POU2F2: variants seen among roughly 807,000 people sequenced by gnomAD.
POU2F2 encodes POU domain, class 2, transcription factor 2.
POU2F2 carries 14 observed loss-of-function variants against 63.5 expected under a neutral mutation model. The observed-to-expected ratio is 0.22, with a 90% CI of 0.15 to 0.34. POU2F2 has a LOEUF of 0.34. Among genes scored for constraint, POU2F2 ranks in the 10% least tolerant of loss-of-function variants. The pLI is 1.00. For missense variants in POU2F2, 607 were observed against 815.2 expected (o/e 0.74, Z 3.11); for synonymous variants, 306 against 348.6 (o/e 0.88, Z 1.36).
intron 5 of POU2F2, among the ~76,000 whole-genome samples, chr19:42,104,800 C>G (rs1368541944): frequency 6.6e-6 from 1 of 152,094 alleles, no homozygotes; most frequent in Non-Finnish European, 1.5e-5. Context: ...GTGTCTCACC[C>G]CCACCCACCC....
intron 5 of POU2F2, among the ~76,000 whole-genome samples, chr19:42,106,007 CTT>C (rs920421310): frequency 8.3e-6 from 1 of 119,882 alleles, no homozygotes; most frequent in Non-Finnish European, 1.8e-5. Flanking sequence ...TTTTTTCTTT[CTT>C]TCTTTCTTTC....
intron 4 of POU2F2, among the ~76,000 whole-genome samples, chr19:42,119,321 G>C (rs772391334): frequency 6.6e-6 from 1 of 152,176 alleles, no homozygotes; most frequent in Non-Finnish European, 1.5e-5. Context: ...AAAGTTCACA[G>C]AGTCATACAT....
In POU2F2 at chr19:42,091,536, C is replaced by G. The variant is rs1210793995; in HGVS notation, c.1596G>C (p.Leu532=). The change falls in exon 15 of 15, where the codon CTG becomes CTC. Residue 532 remains leucine (L), a synonymous_variant. Transcript: ENST00000692977. ...GGGCTGCACCGGCTGCCCCCAGCAC[C>G]AGATTCCCGCTGCCATCAAGGCTGG... ...PLTSLDGSGN[L]VLGAAGAAPG... 2 of 1,547,878 alleles carry G rather than the reference C, an allele frequency of 1.3e-6. No individual in the cohort carries two copies. The highest frequency in any genetic ancestry group is 1.2e-5 in the South Asian group (1 of 83,390).
At position 42,095,737 on chromosome 19, in the gene POU2F2, G is replaced by A. The variant is rs781762546; in HGVS notation, c.872-44C>T. On this transcript the variant is annotated intron_variant, in intron 9 of 14. Coordinates refer to ENST00000692977, the MANE Select transcript of POU2F2 (RefSeq NM_001394376.1). This position sits in a 1 kb window ranked among gnomAD's most constrained non-coding sequence, Gnocchi z 7.1. ...GTGAGCATGAGAAGGGGCCTCCCGC[G>A]GCCAGCGGCCACTGCCCGCCCCCTA... 12 of 1,612,660 alleles carry A rather than the reference G, an allele frequency of 7.4e-6. No individual in the cohort carries two copies. The highest frequency in any genetic ancestry group is 6.8e-6 in the Non-Finnish European group (8 of 1,179,840).
At chr19:42,116,883 G>A (rs754793755) in intron 5 of POU2F2, 5 of 465,878 alleles carry the variant, frequency 1.1e-5, no homozygotes, top group African/African-American at 4.0e-5. Flanking sequence ...CGGAGGCGGC[G>A]GCGGCGGCGG....
At chr19:42,183,206 T>C (rs2034981148) in intron 1 of POU2F2, among the ~76,000 whole-genome samples, 1 of 152,122 alleles carries the variant, frequency 6.6e-6, no homozygotes, top group South Asian at 2.1e-4. Context: ...CAAATGCAAA[T>C]GAGACACAAC....
intron 1 of POU2F2, among the ~76,000 whole-genome samples, chr19:42,189,587 C>T (rs985713278): frequency 2.0e-5 from 3 of 152,282 alleles, no homozygotes; most frequent in Admixed American, 6.5e-5. Flanking sequence ...TAGCAAGAGT[C>T]GGTCTCTGTT....
intron 5 of POU2F2, among the ~76,000 whole-genome samples, chr19:42,103,896 G>A (rs1006853070): frequency 4.1e-4 from 62 of 152,202 alleles, no homozygotes; most frequent in African/African-American, 1.5e-3. Context: ...GCCTCCCAAA[G>A]AGCTGGGATT....
At chr19:42,140,036 C>G (rs1422079919) in intron 2 of POU2F2, among the ~76,000 whole-genome samples, 1 of 152,228 alleles carries the variant, frequency 6.6e-6, no homozygotes, top group African/African-American at 2.4e-5. Flanking sequence ...GTTGAGCTCA[C>G]TGCTCCTCAA....
chr19:42,099,236 A>ACCT, intron 7 of POU2F2: 1 of 356,294 alleles, frequency 2.8e-6, no homozygotes, highest in South Asian at 3.9e-5. Context: ...ACACATGAGC[A>ACCT]TTTTGGGGGA....
chr19:42,113,239 A>T (rs966609242), intron 5 of POU2F2, among the ~76,000 whole-genome samples: 3 of 152,216 alleles, frequency 2.0e-5, no homozygotes, highest in African/African-American at 7.2e-5. Context: ...TAAGTTTTCA[A>T]TCAATGCCTG....
chr19:42,117,311 T>G lies in POU2F2; in HGVS notation c.308A>C (p.Gln103Pro). Residue 103 changes from glutamine to proline, a missense_variant, in exon 5 of 15, where the codon CAG becomes CCG. Gln to Pro is a moderately conservative substitution (Grantham distance 76). This residue lies in a region of POU2F2 where 224 missense variants were observed against 264.3 expected (regional missense o/e 0.85). Transcript: ENST00000692977. This position sits in a 1 kb window ranked among gnomAD's most constrained non-coding sequence, Gnocchi z 4.4. ...DSAPAAPLPPQPAQPHLPQAQ... is the reference protein window; with the variant it reads ...DSAPAAPLPPPPAQPHLPQAQ... Reference sequence around the variant, plus strand: ...CTGGGGCAGATGAGGCTGGGCCGGCTGAGGGGGCAGGGGTGCTGCTGGGGC... The same window carrying G: ...CTGGGGCAGATGAGGCTGGGCCGGCGGAGGGGGCAGGGGTGCTGCTGGGGC... 1 of 1,519,048 alleles carries G rather than the reference T, an allele frequency of 6.6e-7. No homozygotes were observed. The allele number at this position is 1,519,048 out of a possible 1,614,324, so 94.1% of individuals were successfully genotyped here.
rs1410174158 is a variant in POU2F2 at position 42,169,209 on chromosome 19, A to G, written c.-70+6754T>C. Among the ~76,000 whole-genome samples, 1 of 152,228 alleles carries G rather than the reference A, an allele frequency of 6.6e-6. No individual in the cohort carries two copies. The highest frequency in any genetic ancestry group is 2.4e-5 in the African/African-American group (1 of 41,452). On this transcript the variant is annotated intron_variant, in intron 1 of 6. Coordinates refer to the POU2F2 transcript ENST00000524801. The surrounding 1 kb of genome is among the most constrained non-coding windows in gnomAD (Gnocchi z 4.3). ...AACTCAGGGCATGGCCCTTTCGGTCACCACGTGTGGCCTCCCTGTGGGATT... is the reference window on the plus strand; with the variant it reads ...AACTCAGGGCATGGCCCTTTCGGTCGCCACGTGTGGCCTCCCTGTGGGATT...
At chr19:42,131,378 C>T (rs1020142042) in intron 1 of POU2F2, among the ~76,000 whole-genome samples, 4 of 152,176 alleles carry the variant, frequency 2.6e-5, no homozygotes, top group Admixed American at 1.3e-4. Context: ...CACACAATGG[C>T]GCATATAGGA....
At chr19:42,180,887 C>G (rs114690362), upstream of POU2F2, among the ~76,000 whole-genome samples, 3,864 of 150,698 alleles carry the variant, frequency 0.026, 171 homozygotes, top group African/African-American at 0.088. Context: ...CACCACCACA[C>G]CCATCTATTT....
chr19:42,186,935 G>C (rs1421929911), intron 1 of POU2F2, among the ~76,000 whole-genome samples: 1 of 152,092 alleles, frequency 6.6e-6, no homozygotes, highest in Non-Finnish European at 1.5e-5. Flanking sequence ...TTATATCTGA[G>C]GTGCCTATGA....
At chr19:42,140,007 C>T (rs2034095099) in intron 2 of POU2F2, among the ~76,000 whole-genome samples, 1 of 152,230 alleles carries the variant, frequency 6.6e-6, no homozygotes, top group South Asian at 2.1e-4. Context: ...GACCCCAAAG[C>T]TTGTGCTTCA....
At chr19:42,195,597 G>T (rs1420990949) in intron 1 of POU2F2, among the ~76,000 whole-genome samples, 1 of 151,706 alleles carries the variant, frequency 6.6e-6, no homozygotes, top group Non-Finnish European at 1.5e-5. Flanking sequence ...CTCTCAAAGT[G>T]CTAGGATTAC....
upstream of POU2F2, chr19:42,132,487 C>G: frequency 7.4e-7 from 1 of 1,350,990 alleles, no homozygotes; most frequent in Non-Finnish European, 9.7e-7. Context: ...CCCTCCCTGC[C>G]GGAAGTCACT....
Sources: allele counts gnomAD v4.1 joint callset (sites outside exome capture counted in the v4.1 genomes callset), GRCh38; gene constraint gnomAD v4.1.1; regional missense constraint gnomAD v4.1.1; non-coding constraint Gnocchi (gnomAD v3.1); transcripts MANE v1.5; gene names NCBI Gene and HGNC (gene_info 2026-07-23, HGNC 2026-07-21).